Variants in COG3 observed in about 807,000 individuals in gnomAD.
The protein encoded by COG3 is conserved oligomeric Golgi complex subunit 3.
In COG3, 32 loss-of-function variants were observed where a neutral mutation model predicts 114.1. The ratio of observed to expected loss-of-function variants is 0.28; its 90% CI spans 0.21 to 0.38. The LOEUF is 0.38. Among genes scored for constraint, COG3 ranks in the 10% least tolerant of loss-of-function variants. COG3 has a pLI of 1.00. For missense variants in COG3, 813 were observed against 973.2 expected, an observed-to-expected ratio of 0.84 and a Z score of 2.19; for synonymous variants, 352 against 365.7, an observed-to-expected ratio of 0.96 and a Z score of 0.43.
chr13:45,473,324 T>C (rs962499574), intron 1 of COG3, among the ~76,000 whole-genome samples: 4 of 152,232 alleles, frequency 2.6e-5, no homozygotes, highest in Admixed American at 2.6e-4. Context: ...AGACTAGTTA[T>C]AATCTTGTGG....
intron 3 of COG3, 102 bp from the exon 4 acceptor site, chr13:45,480,023 T>C: frequency 9.8e-7 from 1 of 1,016,466 alleles, no homozygotes; most frequent in Non-Finnish European, 1.4e-6. Flanking sequence ...GTTTTCCTCC[T>C]GAAATTCGAA....
rs1177886137 is a variant in COG3 at position 45,509,583 on chromosome 13, T to C, written c.1595-109T>C. ...GAGGTGGGAAAAAATTGGTGCCCTC[T>C]AGCTACTTATAGCTAATGAGAATAA... is the stretch of plus-strand genomic sequence containing the variant. On this transcript the variant is annotated intron_variant, in intron 14 of 22. Coordinates refer to ENST00000349995, the MANE Select transcript of COG3 (RefSeq NM_031431.4). The C allele has an allele frequency of 3.6e-6, 5 of 1,398,210 alleles. No homozygotes were observed. The East Asian group carries it at 9.3e-5, about 26-fold the overall frequency. 86.6% of individuals were successfully genotyped at this position (1,398,210 alleles called of 1,614,324 possible).
chr13:45,532,626 G>A (rs577250188), intron 22 of COG3, among the ~76,000 whole-genome samples: 2 of 136,336 alleles, frequency 1.5e-5, no homozygotes, highest in Non-Finnish European at 3.0e-5. Flanking sequence ...CTGGAGTGCA[G>A]TGGCGTGATC....
At chr13:45,509,177 C>CT (rs1488157163) in intron 14 of COG3, among the ~76,000 whole-genome samples, 1 of 151,944 alleles carries the variant, frequency 6.6e-6, no homozygotes, top group African/African-American at 2.4e-5. Context: ...GTAGCTGGGA[C>CT]TACAGGCACA....
At chr13:45,512,333 TTTTG>T (rs1181640921) in intron 16 of COG3, among the ~76,000 whole-genome samples, 7 of 152,064 alleles carry the variant, frequency 4.6e-5, no homozygotes, top group Non-Finnish European at 1.5e-5. Context: ...TGGCTTACAA[TTTTG>T]TTTGTTTGTT....
At position 45,534,916 on chromosome 13, in the gene COG3, C is replaced by G. The variant is rs1873454988; in HGVS notation, c.*185C>G. 8.0e-7 allele frequency: 1 copy of G among 1,252,296 alleles called. No individual in the cohort carries two copies. The highest frequency in any genetic ancestry group is 1.0e-6 in the Non-Finnish European group (1 of 1,000,034). The allele number at this position is 1,252,296 out of a possible 1,614,324, so 77.6% of individuals were successfully genotyped here. On this transcript the variant is annotated 3_prime_UTR_variant, in exon 23 of 23. Coordinates refer to ENST00000349995, the MANE Select transcript of COG3 (RefSeq NM_031431.4). ...TGTTACAGGATCAGTGTTTTCTTTT[C>G]TAAAACATCAAAATGCCAAAGATTA... is the stretch of plus-strand genomic sequence containing the variant.
chr13:45,466,328 C>T lies in COG3; in HGVS notation c.174+1118C>T, dbSNP rs539472599. On this transcript the variant is annotated intron_variant, in intron 1 of 22. Coordinates refer to ENST00000349995, the MANE Select transcript of COG3 (RefSeq NM_031431.4). ...TGCTGGGATTACAGTCGTGAGCCAC[C>T]GTGCCTGGCCTGAAGCATTCTTTTT... is the stretch of plus-strand genomic sequence containing the variant. Among the ~76,000 whole-genome samples the T allele has an allele frequency of 1.6e-4, 25 of 152,288 alleles. No individual in the cohort carries two copies. In the East Asian group the frequency reaches 4.4e-3, roughly 27 times the overall value.
chr13:45,500,933 C>G (rs116852124), intron 13 of COG3, among the ~76,000 whole-genome samples: 1 of 152,134 alleles, frequency 6.6e-6, no homozygotes. Context: ...TTATACAATG[C>G]CCCTTTGTTG....
intron 1 of COG3, among the ~76,000 whole-genome samples, chr13:45,469,696 A>AT (rs979003990): frequency 1.7e-4 from 26 of 151,574 alleles, no homozygotes; most frequent in African/African-American, 2.7e-4. Flanking sequence ...AGCAGTAAAT[A>AT]TTTTTTTTTA....
At chr13:45,471,726 T>TG (rs1197300283) in intron 1 of COG3, among the ~76,000 whole-genome samples, 1 of 102,650 alleles carries the variant, frequency 9.7e-6, no homozygotes, top group Non-Finnish European at 2.0e-5. Context: ...TCTCAGCTTT[T>TG]GTTTTTTTTT....
At chr13:45,496,920 G>C (rs1009802458) in intron 13 of COG3, among the ~76,000 whole-genome samples, 1 of 152,180 alleles carries the variant, frequency 6.6e-6, no homozygotes, top group South Asian at 2.1e-4. Flanking sequence ...TGATCCGCCC[G>C]CCTCGGCCTC....
chr13:45,476,060 T>G (rs1885839518), intron 1 of COG3, 141 bp from the exon 2 acceptor site: 1 of 729,124 alleles, frequency 1.4e-6, no homozygotes, highest in African/African-American at 1.8e-5. Context: ...GTTAGTACTA[T>G]ATAGTATTTA....
intron 6 of COG3, 133 bp downstream of exon 6, chr13:45,482,606 A>T: frequency 2.1e-6 from 1 of 487,654 alleles, no homozygotes; most frequent in Non-Finnish European, 3.6e-6. Flanking sequence ...CTGTAAAGTG[A>T]TTATTTCTGT....
At chr13:45,467,680 C>G (rs954144694) in intron 1 of COG3, among the ~76,000 whole-genome samples, 6 of 152,176 alleles carry the variant, frequency 3.9e-5, no homozygotes, top group Admixed American at 3.9e-4. Flanking sequence ...GCTTTACAGC[C>G]CTCATTTTCC....
chr13:45,477,553 C>A (rs1434147861), intron 2 of COG3, among the ~76,000 whole-genome samples: 1 of 152,112 alleles, frequency 6.6e-6, no homozygotes, highest in Non-Finnish European at 1.5e-5. Flanking sequence ...CAACTCCCCG[C>A]ATCCCCCTTT....
At chr13:45,508,397 T>TACACACACACAC (rs1870457907) in intron 14 of COG3, among the ~76,000 whole-genome samples, 1 of 102,084 alleles carries the variant, frequency 9.8e-6, no homozygotes, top group African/African-American at 5.0e-5. Flanking sequence ...TATATATATA[T>TACACACACACAC]ATATATACAC....
chr13:45,467,320 G>A (rs1885202404), intron 1 of COG3, among the ~76,000 whole-genome samples: 1 of 152,234 alleles, frequency 6.6e-6, no homozygotes, highest in South Asian at 2.1e-4. Context: ...GGCCAGGTGC[G>A]GTGGCCCACG....
intron 15 of COG3, among the ~76,000 whole-genome samples, 171 bp downstream of exon 15, chr13:45,509,987 A>G (rs1040207829): frequency 5.9e-5 from 9 of 152,258 alleles, no homozygotes; most frequent in African/African-American, 1.9e-4. Context: ...TGAACTTTCT[A>G]TAGAAACTTA....
intron 20 of COG3, 129 bp downstream of exon 20, chr13:45,525,180 A>G: frequency 1.6e-6 from 1 of 618,486 alleles, no homozygotes; most frequent in Non-Finnish European, 2.7e-6. Flanking sequence ...GAGTTAATGC[A>G]GGATTCAATT....
Sources: allele counts gnomAD v4.1 joint callset (sites outside exome capture counted in the v4.1 genomes callset), GRCh38; gene constraint gnomAD v4.1.1; transcripts MANE v1.5; gene names NCBI Gene and HGNC (gene_info 2026-07-23, HGNC 2026-07-21).